Variants in ATP6V0A4 observed in about 807,000 individuals in gnomAD.
ATP6V0A4 encodes ATPase H+ transporting V0 subunit a4.
In ATP6V0A4, 86 loss-of-function variants were observed where a neutral mutation model predicts 107.3. The ratio of observed to expected loss-of-function variants is 0.80; its 90% confidence interval spans 0.67 to 0.96. The LOEUF (loss-of-function observed/expected upper bound fraction) is 0.96, where lower values mean the gene tolerates loss of function less well. Ranked by LOEUF, ATP6V0A4 falls within the 40% of genes least tolerant of loss-of-function variation. The pLI, the probability that ATP6V0A4 is intolerant of heterozygous loss-of-function variation, is 0.00. For missense variants in ATP6V0A4, 908 were observed against 1,045.6 expected, an observed-to-expected ratio of 0.87 and a Z score of 1.81; for synonymous variants, 353 against 381.4, an observed-to-expected ratio of 0.93 and a Z score of 0.87.
rs772068364 is a variant in ATP6V0A4, at chr7:138,747,557, GT to G, written c.1187del (p.Tyr396SerfsTer12). 6.2e-7 allele frequency: 1 copy of G among 1,614,092 alleles called. No homozygotes were observed. The highest frequency in any genetic ancestry group is 8.5e-7 in the Non-Finnish European group (1 of 1,180,024). On this transcript the variant is annotated frameshift_variant, in exon 13 of 22. Transcript: ENST00000310018. LOFTEE classifies it high-confidence loss of function. The part of the protein sequence containing the change: ...GSYREINPAP[Y>X]TIITFPFLFA... ...ACAGGAAGGGGAAAGTGATGATGGT[GT>G]AGGGGGCTGCGGAGGGGAGACACAC...
At chr7:138,790,653 C>T (rs956124565) in intron 1 of ATP6V0A4, among the ~76,000 whole-genome samples, 5 of 152,128 alleles carry the variant, frequency 3.3e-5, no homozygotes, top group Admixed American at 2.0e-4. Flanking sequence ...CAAGCTTTCA[C>T]TTTTACAAAC....
At chr7:138,724,016 C>T (rs975894881) in intron 18 of ATP6V0A4, among the ~76,000 whole-genome samples, 16 of 107,238 alleles carry the variant, frequency 1.5e-4, no homozygotes, top group African/African-American at 6.4e-4. Flanking sequence ...AAAGTGAGAT[C>T]CCATCTCTCA....
At position 138,706,603 on chromosome 7, in the gene ATP6V0A4, G is replaced by T; in HGVS notation, c.*21C>A. On this transcript the variant is annotated 3_prime_UTR_variant, in exon 22 of 22. Transcript: ENST00000310018. ...TTCCTTCATTGGCATGGTGACCACC[G>T]TGGGAGGTGCAGCCCTCAGCCTACT... The T allele has an allele frequency of 6.2e-7, 1 of 1,613,360 alleles. No individual in the cohort carries two copies. Among genetic ancestry groups the T allele is most frequent in the Non-Finnish European group, 8.5e-7 (1 of 1,179,536 alleles).
intron 14 of ATP6V0A4, 45 bp downstream of exon 14, chr7:138,745,078 C>G (rs55843107): frequency 6.5e-7 from 1 of 1,548,572 alleles, no homozygotes; most frequent in Non-Finnish European, 8.9e-7. Flanking sequence ...TCACTGAGGC[C>G]ACCTGGATGG....
intron 11 of ATP6V0A4, among the ~76,000 whole-genome samples, chr7:138,750,434 A>T (rs1468587721): frequency 1.3e-5 from 2 of 151,956 alleles, no homozygotes. Flanking sequence ...TTGAACTCCT[A>T]GGCTCAAATG....
intron 3 of ATP6V0A4, among the ~76,000 whole-genome samples, chr7:138,770,253 G>A (rs1217380344): frequency 2.0e-5 from 3 of 151,746 alleles, no homozygotes; most frequent in Non-Finnish European, 4.4e-5. Flanking sequence ...AAGGAAGAGA[G>A]GGAGGGGAAG....
chr7:138,769,312 C>CTTTTTTTT (rs540481545), intron 3 of ATP6V0A4, 61 bp from the exon 4 acceptor site: 18 of 1,326,274 alleles, frequency 1.4e-5, no homozygotes, highest in Middle Eastern at 2.8e-4. Context: ...AGATTTCTTT[C>CTTTTTTTT]TTTTTTTTTT....
At chr7:138,714,296 G>T (rs906864539) in intron 20 of ATP6V0A4, among the ~76,000 whole-genome samples, 1 of 151,196 alleles carries the variant, frequency 6.6e-6, no homozygotes, top group Non-Finnish European at 1.5e-5. Flanking sequence ...GGTCTGGAGT[G>T]CTGGGGCACT....
chr7:138,748,296 A>G (rs1806057953), intron 12 of ATP6V0A4, among the ~76,000 whole-genome samples: 1 of 152,190 alleles, frequency 6.6e-6, no homozygotes, highest in South Asian at 2.1e-4. Flanking sequence ...CCCTCAACCC[A>G]GGAGGCCCCT....
chr7:138,730,932 T>TTCTTCTTCTTC (rs1419584318), intron 17 of ATP6V0A4, among the ~76,000 whole-genome samples: 479 of 9,768 alleles, frequency 0.049, 2 homozygotes, highest in African/African-American at 0.16. Flanking sequence ...CTTCTTCTTC[T>TTCTTCTTCTTC]TTTTTTATTT....
intron 1 of ATP6V0A4, among the ~76,000 whole-genome samples, chr7:138,793,885 C>G (rs921545797): frequency 1.3e-5 from 2 of 152,180 alleles, no homozygotes; most frequent in African/African-American, 4.8e-5. Context: ...CAATTTTGAA[C>G]AAGCTAAATT....
In ATP6V0A4 at chr7:138,732,928, C is replaced by T; in HGVS notation, c.1857G>A (p.Met619Ile). Residue 619 changes from methionine to isoleucine, a missense_variant, in exon 17 of 22, where the codon ATG becomes ATA. Coordinates refer to ENST00000310018, the MANE Select transcript of ATP6V0A4 (RefSeq NM_020632.3). The part of the protein sequence containing the change: ...APSILIHFIN[M>I]FLFNYSDSSN... Reference sequence around the variant, plus strand: ...AAGAGTCACTGTAGTTAAACAGAAACATGTTGATGAAGTGGATGAGGATGC... The same window carrying T: ...AAGAGTCACTGTAGTTAAACAGAAATATGTTGATGAAGTGGATGAGGATGC... 6.2e-7 allele frequency: 1 copy of T among 1,611,966 alleles called. No individual in the cohort carries two copies. Among genetic ancestry groups the T allele is most frequent in the Non-Finnish European group, 8.5e-7 (1 of 1,179,570 alleles).
chr7:138,748,381 T>C (rs1339073416), intron 12 of ATP6V0A4, among the ~76,000 whole-genome samples: 1 of 151,812 alleles, frequency 6.6e-6, no homozygotes, highest in Admixed American at 6.6e-5. Context: ...GGATAAAGGG[T>C]ATCTGGTCTA....
chr7:138,728,877 T>G lies in ATP6V0A4; in HGVS notation c.1909-15A>C. On this transcript the variant is annotated splice_polypyrimidine_tract_variant and intron_variant, in intron 17 of 21. Transcript: ENST00000310018. ...TGGACTTCTTGCTGCAAGACCAAAA[T>G]GGCGAGATCTCATCATTTTCACATG... is the stretch of plus-strand genomic sequence containing the variant. 6.2e-7 allele frequency: 1 copy of G among 1,614,014 alleles called. No homozygotes were observed.
At position 138,743,626 on chromosome 7, in the gene ATP6V0A4, G is replaced by A. The variant is rs77239342; in HGVS notation, c.1478+1497C>T. Among the ~76,000 whole-genome samples, 1,106 of 152,206 alleles carry A rather than the reference G, an allele frequency of 7.3e-3. 99 individuals carry two copies. The East Asian group carries it at 0.17, about 24-fold the overall frequency. On this transcript the variant is annotated intron_variant, in intron 14 of 21. Transcript: ENST00000310018. ...AAGACCCGTGAAGTCCCTTCCTTGG[G>A]AGAGGAAGAATGGGAAAAGAGATTG...
intron 5 of ATP6V0A4, among the ~76,000 whole-genome samples, chr7:138,767,912 G>A (rs1584938840): frequency 6.6e-6 from 1 of 152,172 alleles, no homozygotes; most frequent in Admixed American, 6.6e-5. Context: ...CACGTGGCAG[G>A]TATTCAGTGG....
chr7:138,736,747 T>G (rs1805343869), intron 15 of ATP6V0A4, among the ~76,000 whole-genome samples: 1 of 151,874 alleles, frequency 6.6e-6, no homozygotes, highest in Admixed American at 6.6e-5. Context: ...AATTTTGTAT[T>G]TTTAGTAGAG....
chr7:138,742,992 T>G (rs562464206), intron 14 of ATP6V0A4, among the ~76,000 whole-genome samples: 185 of 152,146 alleles, frequency 1.2e-3, no homozygotes, highest in Non-Finnish European at 2.1e-3. Context: ...TTTTTCTATA[T>G]TTAAGGTGGG....
chr7:138,797,918 G>A, intron 1 of ATP6V0A4, 116 bp downstream of exon 1: 1 of 1,442,464 alleles, frequency 6.9e-7, no homozygotes. Context: ...GGTGAGAGAA[G>A]GTGTGACAGG....
Sources: gnomAD v4.1 joint callset for allele counts (sites outside exome capture counted in the v4.1 genomes callset) on GRCh38, gnomAD v4.1.1 for gene constraint, MANE v1.5 for transcripts, NCBI Gene and HGNC (gene_info 2026-07-23, HGNC 2026-07-21) for gene names.